Variants in KAZN observed in about 807,000 individuals in gnomAD.
KAZN encodes the protein kazrin, periplakin interacting protein, also known as kazrin.
KAZN carries 40 observed loss-of-function variants against 87.4 expected under a neutral mutation model. The observed-to-expected ratio is 0.46, with a 90% CI of 0.36 to 0.60. The LOEUF is 0.60. Ranked by LOEUF, KAZN falls within the 20% of genes least tolerant of loss-of-function variation. The pLI, the probability that KAZN is intolerant of heterozygous loss-of-function variation, is 0.00. For synonymous variants in KAZN, 466 were observed against 458.3 expected (o/e 1.02, Z -0.22); for missense variants, 898 against 1,073.9 (o/e 0.84, Z 2.29).
At chr1:14,408,843 C>A (rs1664075025) in intron 2 of KAZN, among the ~76,000 whole-genome samples, 1 of 151,200 alleles carries the variant, frequency 6.6e-6, no homozygotes, top group African/African-American at 2.4e-5. Context: ...AATAAATAAT[C>A]AAGGCAAATA....
In KAZN at chr1:14,927,173, C is replaced by T. The variant is rs545864441; in HGVS notation, c.227-33511C>T. On this transcript the variant is annotated intron_variant, in intron 1 of 14. Transcript: ENST00000376030. The stretch of plus-strand genomic sequence containing the variant: ...CAAGGGAATAACTCCTTCTGAAGGA[C>T]GGATCATTCCAGAGCCCCCTCAGAG... 4.6e-5 allele frequency among the ~76,000 whole-genome samples: 7 copies of T among 152,332 alleles called. No homozygotes were observed. The East Asian group carries it at 1.3e-3, about 29-fold the overall frequency.
intron 1 of KAZN, among the ~76,000 whole-genome samples, chr1:14,858,289 C>T (rs1460947267): frequency 2.0e-4 from 28 of 140,274 alleles, no homozygotes; most frequent in Non-Finnish European, 3.8e-4. Flanking sequence ...CTTGGCTCAC[C>T]GCAACCTCCA....
chr1:14,239,484 G>A (rs777914890), intron 2 of KAZN, among the ~76,000 whole-genome samples: 2 of 139,282 alleles, frequency 1.4e-5, no homozygotes, highest in African/African-American at 2.8e-5. Context: ...TTTTGAGGTG[G>A]AGTTTCACTC....
chr1:14,691,554 T>C (rs1641310203), intron 1 of KAZN, among the ~76,000 whole-genome samples: 1 of 152,190 alleles, frequency 6.6e-6, no homozygotes, highest in Non-Finnish European at 1.5e-5. Context: ...TGGCACAATC[T>C]CGGTTCACTG....
intron 2 of KAZN, among the ~76,000 whole-genome samples, chr1:14,492,478 A>T (rs1248295411): frequency 6.6e-6 from 1 of 151,536 alleles, no homozygotes; most frequent in African/African-American, 2.4e-5. Flanking sequence ...ATGGAAAACG[A>T]GACTTCCCTT....
intron 4 of KAZN, among the ~76,000 whole-genome samples, chr1:15,048,017 C>T (rs1488419642): frequency 6.6e-6 from 1 of 152,166 alleles, no homozygotes; most frequent in African/African-American, 2.4e-5. Context: ...GGTGCTGCCA[C>T]AGAGGTGGCA....
In KAZN at chr1:14,480,699, A is replaced by T. The variant is rs1328383948; in HGVS notation, c.250-118284A>T. Among the ~76,000 whole-genome samples, 9 of 145,438 alleles carry T rather than the reference A, an allele frequency of 6.2e-5. No individual in the cohort carries two copies. The East Asian group carries it at 1.2e-3, about 19-fold the overall frequency. ...ACTATATATAATATATAAAATATAT[A>T]TTTTTATGTATATATAAACAGATAC... On this transcript the variant is annotated intron_variant, in intron 2 of 16. Coordinates refer to the KAZN transcript ENST00000636203.
At chr1:14,043,442 A>G (rs1296899152) in intron 1 of KAZN, among the ~76,000 whole-genome samples, 1 of 152,194 alleles carries the variant, frequency 6.6e-6, no homozygotes, top group African/African-American at 2.4e-5. Context: ...TATTTTGGGT[A>G]TGTACCCAGA....
At chr1:14,120,564 C>T (rs184145299) in intron 1 of KAZN, among the ~76,000 whole-genome samples, 246 of 152,260 alleles carry the variant, frequency 1.6e-3, no homozygotes, top group African/African-American at 5.6e-3. Flanking sequence ...GGTAGATGCC[C>T]GTCTTCCTTC....
intron 1 of KAZN, among the ~76,000 whole-genome samples, chr1:14,728,015 G>A (rs940761907): frequency 2.6e-5 from 4 of 151,850 alleles, no homozygotes; most frequent in East Asian, 2.0e-4. Context: ...GCCGGGCGCG[G>A]TGCCTCACGC....
At chr1:14,618,263 G>A (rs1357085092) in intron 1 of KAZN, among the ~76,000 whole-genome samples, 2 of 152,208 alleles carry the variant, frequency 1.3e-5, no homozygotes, top group Non-Finnish European at 2.9e-5. Context: ...GACATGAAAA[G>A]GCCAAAGTTC....
intron 2 of KAZN, among the ~76,000 whole-genome samples, chr1:14,552,085 T>G (rs1035521214): frequency 3.9e-5 from 6 of 152,198 alleles, no homozygotes; most frequent in African/African-American, 1.4e-4. Flanking sequence ...GAGATCTTAA[T>G]TCTTCCTTTG....
chr1:15,088,062 A>T (rs954322757), intron 8 of KAZN, among the ~76,000 whole-genome samples: 38 of 152,258 alleles, frequency 2.5e-4, no homozygotes, highest in African/African-American at 9.2e-4. Flanking sequence ...CGTCTAGGCC[A>T]GGCGTTTCTC....
Position 14,551,971 on chromosome 1 carries a change from TTTTA to T in KAZN, c.250-47008_250-47005del, listed in dbSNP as rs1399792378. 2.6e-5 allele frequency among the ~76,000 whole-genome samples: 4 copies of T among 151,938 alleles called. 1 individual carries two copies. Among genetic ancestry groups the T allele is most frequent in the East Asian group, 1.9e-4 (1 of 5,182 alleles). ...GATCATTAAAGTCTCTCTCTCTTCT[TTTTA>T]TTTCTTTCTTTCTTTTTCTTCCTTT... On this transcript the variant is annotated intron_variant, in intron 2 of 16. Transcript: ENST00000636203.
intron 2 of KAZN, among the ~76,000 whole-genome samples, chr1:14,551,649 G>A (rs1673529481): frequency 1.3e-5 from 2 of 152,176 alleles, no homozygotes; most frequent in South Asian, 4.1e-4. Flanking sequence ...CCTGGCTTGA[G>A]ATATTGGTGA....
intron 2 of KAZN, among the ~76,000 whole-genome samples, chr1:14,457,281 A>T (rs551657772): frequency 6.6e-6 from 1 of 152,204 alleles, no homozygotes; most frequent in Non-Finnish European, 1.5e-5. Context: ...AAATTTAAGC[A>T]TCTCTTCATA....
chr1:14,003,119 C>T (rs1428080566), intron 1 of KAZN, among the ~76,000 whole-genome samples: 3 of 151,980 alleles, frequency 2.0e-5, no homozygotes, highest in East Asian at 1.9e-4. Context: ...AACCAAACAC[C>T]GCATGTTCTT....
At chr1:14,249,209 A>T (rs1422169140) in intron 2 of KAZN, among the ~76,000 whole-genome samples, 2 of 152,284 alleles carry the variant, frequency 1.3e-5, no homozygotes, top group South Asian at 2.1e-4. Flanking sequence ...TTAAACTTTG[A>T]GGTGGTTTGC....
At chr1:14,270,998 G>A (rs1434794497) in intron 2 of KAZN, among the ~76,000 whole-genome samples, 1 of 152,168 alleles carries the variant, frequency 6.6e-6, no homozygotes, top group African/African-American at 2.4e-5. Context: ...GGCTGCCATC[G>A]CAAAGTACCA....
Sources: allele counts gnomAD v4.1 joint callset (sites outside exome capture counted in the v4.1 genomes callset), GRCh38; gene constraint gnomAD v4.1.1; transcripts MANE v1.5; gene names NCBI Gene and HGNC (gene_info 2026-07-23, HGNC 2026-07-21).